ESRRG: variants seen among roughly 807,000 people sequenced by gnomAD.
ESRRG encodes estrogen-related receptor gamma.
ESRRG carries 13 observed loss-of-function variants against 44.0 expected under a neutral mutation model. The observed-to-expected ratio is 0.30, with a 90% confidence interval of 0.19 to 0.47. ESRRG has a LOEUF of 0.47. Ranked by LOEUF, ESRRG falls within the 20% of genes least tolerant of loss-of-function variation. The pLI, the probability that ESRRG is intolerant of heterozygous loss-of-function variation, is 1.00. For synonymous variants in ESRRG, 215 were observed against 214.6 expected, an observed-to-expected ratio of 1.00 and a Z score of -0.02; for missense variants, 395 against 580.6, an observed-to-expected ratio of 0.68 and a Z score of 3.29.
intron 2 of ESRRG, among the ~76,000 whole-genome samples, chr1:216,825,596 G>A (rs963096853): frequency 3.3e-5 from 5 of 152,220 alleles, no homozygotes; most frequent in East Asian, 1.9e-4. Flanking sequence ...AATGGAAGAC[G>A]AATGGGAAAG....
At chr1:216,554,386 G>A (rs940400597) in intron 5 of ESRRG, among the ~76,000 whole-genome samples, 2 of 151,880 alleles carry the variant, frequency 1.3e-5, no homozygotes, top group Admixed American at 1.3e-4. Context: ...CCCAGGAGGT[G>A]GAGGTTGCAA....
intron 5 of ESRRG, among the ~76,000 whole-genome samples, chr1:216,535,801 G>C (rs964120317): frequency 1.3e-5 from 2 of 151,928 alleles, no homozygotes; most frequent in African/African-American, 4.8e-5. Flanking sequence ...CTCTGTCTCT[G>C]TCTGTCTGCC....
exon 2 of ESRRG, chr1:216,939,640 A>T (rs1362546152): frequency 6.6e-6 from 1 of 151,166 alleles, no homozygotes; most frequent in Non-Finnish European, 1.5e-5. Context: ...ATAATTTAAT[A>T]TTGTTTCATT....
At chr1:216,745,620 GTC>G (rs1423102324) in intron 2 of ESRRG, among the ~76,000 whole-genome samples, 1 of 152,140 alleles carries the variant, frequency 6.6e-6, no homozygotes, top group Non-Finnish European at 1.5e-5. Context: ...CCTTTGTCCA[GTC>G]TCTCAATGCG....
chr1:217,130,221 T>C (rs533978755), intron 1 of ESRRG, among the ~76,000 whole-genome samples: 1 of 152,258 alleles, frequency 6.6e-6, no homozygotes, highest in African/African-American at 2.4e-5. Context: ...TAGCAGAAAC[T>C]GCAACTTTAC....
chr1:216,675,755 G>GATGCTGGTA (rs1472204760), intron 2 of ESRRG, among the ~76,000 whole-genome samples: 3 of 152,196 alleles, frequency 2.0e-5, no homozygotes, highest in Non-Finnish European at 4.4e-5. Context: ...TTTCCCAGAT[G>GATGCTGGTA]ATGCTGGTAC....
At chr1:217,077,359 A>C (rs2091399120) in intron 1 of ESRRG, among the ~76,000 whole-genome samples, 1 of 152,200 alleles carries the variant, frequency 6.6e-6, no homozygotes, top group Non-Finnish European at 1.5e-5. Flanking sequence ...GGTTGGAGTT[A>C]ATTGGAGTTA....
chr1:216,597,511 C>T (rs1051504987), intron 3 of ESRRG, among the ~76,000 whole-genome samples: 4 of 152,110 alleles, frequency 2.6e-5, no homozygotes, highest in Non-Finnish European at 5.9e-5. Context: ...TGTTTTCTAA[C>T]ATGTGTTATG....
intron 1 of ESRRG, among the ~76,000 whole-genome samples, chr1:217,048,776 T>G (rs11117760): frequency 0.56 from 84,943 of 152,060 alleles, 24,106 homozygotes; most frequent in Non-Finnish European, 0.61. Context: ...AAATGAAGAC[T>G]TCAACATTTT....
intron 3 of ESRRG, among the ~76,000 whole-genome samples, chr1:216,577,788 G>A (rs1435659339): frequency 6.6e-6 from 1 of 151,902 alleles, no homozygotes; most frequent in Non-Finnish European, 1.5e-5. Context: ...AAAAAAAAAG[G>A]AAATAGATGG....
intron 2 of ESRRG, among the ~76,000 whole-genome samples, chr1:216,804,477 T>TG: frequency 7.2e-6 from 1 of 138,518 alleles, no homozygotes; most frequent in East Asian, 2.0e-4. Flanking sequence ...CTTTTTAAAA[T>TG]TTTTTTTCAT....
intron 1 of ESRRG, among the ~76,000 whole-genome samples, chr1:216,721,222 A>G (rs886649831): frequency 1.3e-5 from 2 of 152,236 alleles, no homozygotes; most frequent in African/African-American, 4.8e-5. Flanking sequence ...AATGGTATGA[A>G]TCTTTTTAAC....
intron 1 of ESRRG, among the ~76,000 whole-genome samples, chr1:216,696,365 C>T (rs1431457604): frequency 6.6e-6 from 1 of 152,168 alleles, no homozygotes; most frequent in African/African-American, 2.4e-5. Context: ...GTATGTTTAA[C>T]ACTTTAATCT....
chr1:216,957,045 G>A (rs1560255129), intron 1 of ESRRG, among the ~76,000 whole-genome samples: 2 of 152,184 alleles, frequency 1.3e-5, no homozygotes, highest in Non-Finnish European at 2.9e-5. Context: ...GTGGATAAAA[G>A]TGATTCCAAA....
At chr1:216,997,089 G>A (rs1431716033) in intron 1 of ESRRG, among the ~76,000 whole-genome samples, 1 of 151,992 alleles carries the variant, frequency 6.6e-6, no homozygotes, top group African/African-American at 2.4e-5. Context: ...CCAAAAACGT[G>A]GAGAAGAAAA....
At chr1:217,132,557 T>A (rs1033167786) in intron 1 of ESRRG, among the ~76,000 whole-genome samples, 9 of 152,128 alleles carry the variant, frequency 5.9e-5, no homozygotes, top group Non-Finnish European at 4.4e-5. Flanking sequence ...AAACACAATT[T>A]AGGAACTGTC....
At position 216,587,198 on chromosome 1, in the gene ESRRG, T is replaced by C. The variant is rs552292597; in HGVS notation, c.590-19100A>G. Among the ~76,000 whole-genome samples, 44 of 152,340 alleles carry C rather than the reference T, an allele frequency of 2.9e-4. 1 individual carries two copies. Among genetic ancestry groups the C allele is most frequent in the Admixed American group, 1.5e-3 (23 of 15,306 alleles). On this transcript the variant is annotated intron_variant, in intron 3 of 6. Coordinates refer to ENST00000408911, the MANE Select transcript of ESRRG (RefSeq NM_001438.4). ...TTATAACTTGTTTCACAATCCGTAA[T>C]GTTGCTTCAAACTTATAATTTGGAC...
At chr1:216,598,772 C>T (rs573109680) in intron 3 of ESRRG, among the ~76,000 whole-genome samples, 1 of 151,864 alleles carries the variant, frequency 6.6e-6, no homozygotes, top group South Asian at 2.1e-4. Context: ...TCTGGGTTTG[C>T]TTCTAAGCTA....
At chr1:216,921,098 AC>A (rs2061776773) in intron 2 of ESRRG, among the ~76,000 whole-genome samples, 2 of 152,180 alleles carry the variant, frequency 1.3e-5, no homozygotes, top group Admixed American at 1.3e-4. Context: ...TTACTACATG[AC>A]TTTGAATCCA....
Sources: gnomAD v4.1 joint callset for allele counts (sites outside exome capture counted in the v4.1 genomes callset) on GRCh38, gnomAD v4.1.1 for gene constraint, MANE v1.5 for transcripts, NCBI Gene and HGNC (gene_info 2026-07-23, HGNC 2026-07-21) for gene names.